TMEM71: variants seen among roughly 807,000 people sequenced by gnomAD.
The protein encoded by TMEM71 is transmembrane protein 71.
Under a neutral mutation model 38.0 loss-of-function variants are expected in TMEM71, and 44 were observed. That is an observed-to-expected ratio of 1.16 (90% CI 0.91 to 1.49). TMEM71 has a LOEUF of 1.49. TMEM71 is among the 40% of genes most tolerant of loss of function. The pLI, the probability that TMEM71 is intolerant of heterozygous loss-of-function variation, is 0.00. For missense variants in TMEM71, 367 were observed against 348.6 expected (o/e 1.05, Z -0.42); for synonymous variants, 133 against 122.5 (o/e 1.09, Z -0.56).
At chr8:132,744,269 C>T (rs1828212606) in intron 5 of TMEM71, among the ~76,000 whole-genome samples, 1 of 152,124 alleles carries the variant, frequency 6.6e-6, no homozygotes, top group South Asian at 2.1e-4. Context: ...TTACTGAGCA[C>T]CAGACATTGA....
At chr8:132,737,952 A>C (rs1827837246) in intron 5 of TMEM71, among the ~76,000 whole-genome samples, 1 of 152,114 alleles carries the variant, frequency 6.6e-6, no homozygotes, top group Non-Finnish European at 1.5e-5. Context: ...CTGGTTATCT[A>C]TTTCCCATAA....
intron 6 of TMEM71, among the ~76,000 whole-genome samples, chr8:132,727,002 A>G (rs1827181312): frequency 6.6e-6 from 1 of 151,822 alleles, no homozygotes; most frequent in Non-Finnish European, 1.5e-5. Flanking sequence ...GATTACAGGC[A>G]TGTGCCACCA....
rs7836530 is a variant in TMEM71, at chr8:132,748,014, G to C, written c.315-900C>G. Among the ~76,000 whole-genome samples, 1,113 of 152,284 alleles carry C rather than the reference G, an allele frequency of 7.3e-3. 10 individuals are homozygous for C. The highest frequency in any genetic ancestry group is 0.026 in the African/African-American group (1,068 of 41,546). On this transcript the variant is annotated intron_variant, in intron 4 of 9. Coordinates refer to ENST00000677595, the MANE Select transcript of TMEM71 (RefSeq NM_001382403.1). ...CAGAGGGGTTAATCGAAGTGCACAG[G>C]GGATTCACTGTTGCGTATCTGCCTG...
chr8:132,727,730 A>G, intron 6 of TMEM71, 68 bp downstream of exon 6: 3 of 1,408,772 alleles, frequency 2.1e-6, no homozygotes, highest in East Asian at 2.3e-5. Flanking sequence ...GTCATCTCCA[A>G]GTCATTCTCA....
downstream of TMEM71, among the ~76,000 whole-genome samples, chr8:132,706,289 C>G (rs1826093553): frequency 6.6e-6 from 1 of 152,122 alleles, no homozygotes; most frequent in Non-Finnish European, 1.5e-5. Context: ...CATCTTCCAT[C>G]AGTATTGGCC....
chr8:132,743,606 G>A (rs180798146), intron 5 of TMEM71, among the ~76,000 whole-genome samples: 2 of 151,832 alleles, frequency 1.3e-5, no homozygotes, highest in African/African-American at 4.8e-5. Flanking sequence ...TTCCATTTTA[G>A]GCTCCCTCTT....
intron 7 of TMEM71, among the ~76,000 whole-genome samples, chr8:132,721,018 G>A (rs1024168742): frequency 6.6e-6 from 1 of 152,220 alleles, no homozygotes; most frequent in African/African-American, 2.4e-5. Flanking sequence ...AAAGCAAGGT[G>A]CATGCGACAA....
intron 3 of TMEM71, among the ~76,000 whole-genome samples, chr8:132,753,891 G>A (rs1478470006): frequency 6.6e-6 from 1 of 151,832 alleles, no homozygotes; most frequent in Non-Finnish European, 1.5e-5. Flanking sequence ...TTCCTTTTCT[G>A]TTCCTTCTAT....
intron 5 of TMEM71, among the ~76,000 whole-genome samples, chr8:132,738,179 G>C (rs1165000653): frequency 2.6e-5 from 4 of 152,068 alleles, no homozygotes; most frequent in Non-Finnish European, 4.4e-5. Flanking sequence ...ATAAGAAGTA[G>C]AGGATCAGAG....
chr8:132,742,840 C>T (rs1299908552), intron 5 of TMEM71, among the ~76,000 whole-genome samples: 2 of 152,054 alleles, frequency 1.3e-5, no homozygotes, highest in Admixed American at 6.5e-5. Context: ...GGGCAATTTA[C>T]GAAAGAAAGA....
intron 5 of TMEM71, among the ~76,000 whole-genome samples, chr8:132,735,554 G>A (rs1286574873): frequency 6.6e-6 from 1 of 152,202 alleles, no homozygotes; most frequent in African/African-American, 2.4e-5. Context: ...CGCCCAGGTT[G>A]ACTAATTACT....
intron 2 of TMEM71, 116 bp downstream of exon 2, chr8:132,758,724 A>G: frequency 1.2e-6 from 1 of 814,176 alleles, no homozygotes; most frequent in Non-Finnish European, 2.1e-6. Flanking sequence ...TAAGAAGCAC[A>G]AGCTACTGAC....
intron 5 of TMEM71, among the ~76,000 whole-genome samples, chr8:132,733,255 A>G (rs1035745751): frequency 1.3e-5 from 2 of 152,182 alleles, no homozygotes; most frequent in Non-Finnish European, 2.9e-5. Flanking sequence ...GACACCAGCA[A>G]TTAGTACCCA....
chr8:132,728,732 C>G (rs1452708848), intron 5 of TMEM71, among the ~76,000 whole-genome samples: 1 of 152,202 alleles, frequency 6.6e-6, no homozygotes, highest in Non-Finnish European at 1.5e-5. Flanking sequence ...CTTTCTACTT[C>G]TGATTCATTT....
chr8:132,735,434 T>C (rs542647230), intron 5 of TMEM71, among the ~76,000 whole-genome samples: 5 of 152,112 alleles, frequency 3.3e-5, no homozygotes, highest in East Asian at 1.9e-4. Context: ...CAGAGAAAAA[T>C]AAATTGCTGA....
intron 5 of TMEM71, among the ~76,000 whole-genome samples, 165 bp downstream of exon 5, chr8:132,746,777 C>T (rs904929342): frequency 2.0e-5 from 3 of 152,046 alleles, no homozygotes; most frequent in Non-Finnish European, 4.4e-5. Flanking sequence ...GTGTTTTGAT[C>T]ACACATGTAA....
At chr8:132,741,471 C>T (rs569043473) in intron 5 of TMEM71, among the ~76,000 whole-genome samples, 1 of 152,108 alleles carries the variant, frequency 6.6e-6, no homozygotes, top group African/African-American at 2.4e-5. Flanking sequence ...GAATGTCTGG[C>T]TGTGCTGTTA....
chr8:132,710,711 A>G lies in TMEM71; in HGVS notation c.*256T>C, dbSNP rs887052796. 2 of 554,798 alleles carry G rather than the reference A, an allele frequency of 3.6e-6. No homozygotes were observed. Among genetic ancestry groups the G allele is most frequent in the Non-Finnish European group, 6.3e-6 (2 of 318,692 alleles). 34.4% of individuals were successfully genotyped at this position (554,798 alleles called of 1,614,324 possible). A position where few individuals can be genotyped will look rare whatever the true frequency, so the allele number is the denominator to read the frequency against. The stretch of plus-strand genomic sequence containing the variant: ...TTCCAGGCGGTCTCTTTTCCATCAC[A>G]TTCCCCGTCCTTTTCCTTTCAACTG... On this transcript the variant is annotated 3_prime_UTR_variant, in exon 10 of 10. Transcript: ENST00000677595.
chr8:132,771,702 C>T, the TMEM71 span, among the ~76,000 whole-genome samples: 1 of 151,952 alleles, frequency 6.6e-6, no homozygotes. Flanking sequence ...ACCCTATCAT[C>T]CTTAGAGTTG....
Sources: gnomAD v4.1 joint callset for allele counts (sites outside exome capture counted in the v4.1 genomes callset) on GRCh38, gnomAD v4.1.1 for gene constraint, MANE v1.5 for transcripts, NCBI Gene and HGNC (gene_info 2026-07-23, HGNC 2026-07-21) for gene names.